The following INSM1 variants were observed in gnomAD, a reference collection of about 807,000 sequenced individuals.
INSM1 encodes INSM transcriptional repressor 1, also known as insulinoma-associated protein 1.
INSM1 carries 11 observed loss-of-function variants against 21.1 expected under a neutral mutation model. The observed-to-expected ratio is 0.52, with a 90% CI of 0.33 to 0.86. The LOEUF (loss-of-function observed/expected upper bound fraction) is 0.86. INSM1 is among the 40% of genes least tolerant of loss of function. The pLI, the probability that INSM1 is intolerant of heterozygous loss-of-function variation, is 0.03. For synonymous variants in INSM1, 473 were observed against 386.1 expected (o/e 1.23, Z -2.64); for missense variants, 843 against 760.1 (o/e 1.11, Z -1.28).
rs2059492644 is a variant in INSM1, at chr20:20,369,767, C to T, written c.1500C>T (p.Ile500=). The change falls in exon 1 of 1, where the codon ATC becomes ATT. Residue 500 remains isoleucine, a synonymous_variant. Coordinates refer to ENST00000310227, the MANE Select transcript of INSM1 (RefSeq NM_002196.3). This position sits in a 1 kb window ranked among gnomAD's most constrained non-coding sequence, Gnocchi z 5.6. Reference sequence around the variant, plus strand: ...ACCCATCCGAAAACAGACAGGTGATCCTCCTGCAGGTGCCCGTGCGCCCGG... The same window carrying T: ...ACCCATCCGAAAACAGACAGGTGATTCTCCTGCAGGTGCCCGTGCGCCCGG... ...KCHPSENRQV[I]LLQVPVRPAC 4 of 1,603,730 alleles carry T rather than the reference C, an allele frequency of 2.5e-6. No homozygotes were observed. The highest frequency in any genetic ancestry group is 1.1e-5 in the South Asian group (1 of 90,688).
At position 20,369,468 on chromosome 20, in the gene INSM1, G is replaced by C; in HGVS notation, c.1201G>C (p.Ala401Pro). The C allele has an allele frequency of 6.5e-7, 1 of 1,531,100 alleles. No homozygotes were observed. Among genetic ancestry groups the C allele is most frequent in the Non-Finnish European group, 8.7e-7 (1 of 1,149,702 alleles). 94.8% of individuals were successfully genotyped at this position (1,531,100 alleles called of 1,614,324 possible). A position where few individuals can be genotyped will look rare whatever the true frequency, so the allele number is the denominator to read the frequency against. ...QALQAKGAPL[A>P]PPAEDLLALY... The stretch of plus-strand genomic sequence containing the variant: ...GCTGCAGGCCAAGGGCGCGCCGCTA[G>C]CGCCCCCGGCCGAGGACCTACTGGC... Residue 401 changes from alanine to proline, a missense_variant, in exon 1 of 1, where the codon GCG (alanine) becomes CCG (proline). By Grantham distance (27) the Ala-to-Pro change is conservative. Transcript: ENST00000310227. This position sits in a 1 kb window ranked among gnomAD's most constrained non-coding sequence, Gnocchi z 5.6.
In INSM1 at chr20:20,369,803, C is replaced by A; in HGVS notation, c.*3C>A. 1 of 1,585,612 alleles carries A rather than the reference C, an allele frequency of 6.3e-7. No homozygotes were observed. On this transcript the variant is annotated 3_prime_UTR_variant, in exon 1 of 1. Coordinates refer to ENST00000310227, the MANE Select transcript of INSM1 (RefSeq NM_002196.3). This position sits in a 1 kb window ranked among gnomAD's most constrained non-coding sequence, Gnocchi z 5.6. Reference sequence around the variant, plus strand: ...TGCCCGTGCGCCCGGCCTGCTAGAGCGCGCCCTCCACCCCGGCCCCCGAAC... The same window carrying A: ...TGCCCGTGCGCCCGGCCTGCTAGAGAGCGCCCTCCACCCCGGCCCCCGAAC...
Position 20,368,937 on chromosome 20 carries a change from A to C in INSM1, c.670A>C (p.Lys224Gln), listed in dbSNP as rs1315216954. The C allele has an allele frequency of 8.4e-6, 13 of 1,546,110 alleles. No individual in the cohort carries two copies. Among genetic ancestry groups the C allele is most frequent in the Non-Finnish European group, 1.1e-5 (13 of 1,149,996 alleles). ...AVKAPGAKKP[K>Q]AIRKLHFEDE... ...CAAGGCCCCGGGCGCCAAGAAGCCCAAGGCCATCCGCAAGCTGCACTTCGA... is the reference window on the plus strand; with the variant it reads ...CAAGGCCCCGGGCGCCAAGAAGCCCCAGGCCATCCGCAAGCTGCACTTCGA... The change falls in exon 1 of 1, where the codon AAG becomes CAG. Residue 224 changes from lysine to glutamine, a missense_variant. Coordinates refer to ENST00000310227, the MANE Select transcript of INSM1 (RefSeq NM_002196.3). This position sits in a 1 kb window ranked among gnomAD's most constrained non-coding sequence, Gnocchi z 4.3.
In INSM1 at chr20:20,368,515, C is replaced by A; in HGVS notation, c.248C>A (p.Pro83Gln). The A allele has an allele frequency of 1.6e-6, 2 of 1,250,518 alleles. No individual in the cohort carries two copies. The highest frequency in any genetic ancestry group is 2.0e-6 in the Non-Finnish European group (2 of 979,590). 77.5% of individuals were successfully genotyped at this position (1,250,518 alleles called of 1,614,324 possible). A position where few individuals can be genotyped will look rare whatever the true frequency, so the allele number is the denominator to read the frequency against. ...APGPQPPPQG[P>Q]RAAHFGNPEA... Reference sequence around the variant, plus strand: ...GGGCCGCAGCCACCCCCGCAGGGCCCGCGGGCCGCGCACTTCGGCAACCCC... The same window carrying A: ...GGGCCGCAGCCACCCCCGCAGGGCCAGCGGGCCGCGCACTTCGGCAACCCC... The change falls in exon 1 of 1, where the codon CCG becomes CAG. Residue 83 changes from proline (P) to glutamine (Q), a missense_variant. Pro to Gln is a moderately conservative substitution (Grantham distance 76). Coordinates refer to ENST00000310227, the MANE Select transcript of INSM1 (RefSeq NM_002196.3). The surrounding 1 kb of genome is among the most constrained non-coding windows in gnomAD (Gnocchi z 4.3).
chr20:20,368,267 C>T lies in INSM1; in HGVS notation c.-1C>T, dbSNP rs1460484126. On this transcript the variant is annotated 5_prime_UTR_variant, in exon 1 of 1. Coordinates refer to ENST00000310227, the MANE Select transcript of INSM1 (RefSeq NM_002196.3). This position sits in a 1 kb window ranked among gnomAD's most constrained non-coding sequence, Gnocchi z 4.3. ...GTGCCGTGCCCTCGGGCCGCGCCAA[C>T]ATGCCCCGCGGCTTCCTGGTGAAGC... The T allele has an allele frequency of 8.7e-6, 11 of 1,262,488 alleles. No homozygotes were observed. The highest frequency in any genetic ancestry group is 1.1e-5 in the Non-Finnish European group (11 of 989,876). 78.2% of individuals were successfully genotyped at this position (1,262,488 alleles called of 1,614,324 possible).
In INSM1 at chr20:20,368,956, A is replaced by T. The variant is rs1295926322; in HGVS notation, c.689A>T (p.His230Leu). ...AAGCCCAAGGCCATCCGCAAGCTGC[A>T]CTTCGAGGACGAGGTGACCACGTCG... is the stretch of plus-strand genomic sequence containing the variant. ...AKKPKAIRKL[H>L]FEDEVTTSPV... The change falls in exon 1 of 1, where the codon CAC (histidine) becomes CTC (leucine). Residue 230 changes from histidine (H) to leucine (L), a missense_variant. Physicochemically the swap from His to Leu is moderately conservative, Grantham distance 99. Transcript: ENST00000310227. This position sits in a 1 kb window ranked among gnomAD's most constrained non-coding sequence, Gnocchi z 4.3. 3.9e-6 allele frequency: 6 copies of T among 1,555,464 alleles called. No individual in the cohort carries two copies. The highest frequency in any genetic ancestry group is 4.3e-6 in the Non-Finnish European group (5 of 1,154,148).
In INSM1 at chr20:20,368,180, C is replaced by A; in HGVS notation, c.-88C>A. The A allele has an allele frequency of 1.0e-6, 1 of 965,278 alleles. No individual in the cohort carries two copies. The highest frequency in any genetic ancestry group is 4.9e-5 in the South Asian group (1 of 20,580). The allele number at this position is 965,278 out of a possible 1,614,324, so 59.8% of individuals were successfully genotyped here. On this transcript the variant is annotated 5_prime_UTR_variant, in exon 1 of 1. Coordinates refer to ENST00000310227, the MANE Select transcript of INSM1 (RefSeq NM_002196.3). This position sits in a 1 kb window ranked among gnomAD's most constrained non-coding sequence, Gnocchi z 4.3. Reference sequence around the variant, plus strand: ...ACGCGAGTCCCGCAGCCGCCGCGCCCGGGCAATGGGCCGGGGGCACTGAGG... The same window carrying A: ...ACGCGAGTCCCGCAGCCGCCGCGCCAGGGCAATGGGCCGGGGGCACTGAGG...
Position 20,368,258 on chromosome 20 carries a change from CCG to C in INSM1, c.-6_-5del. On this transcript the variant is annotated 5_prime_UTR_variant, in exon 1 of 1. Transcript: ENST00000310227. This position sits in a 1 kb window ranked among gnomAD's most constrained non-coding sequence, Gnocchi z 4.3. ...ACCGAGCCAGTGCCGTGCCCTCGGG[CCG>C]CGCCAACATGCCCCGCGGCTTCCTG... 1 of 1,239,186 alleles carries C rather than the reference CCG, an allele frequency of 8.1e-7. No homozygotes were observed. The highest frequency in any genetic ancestry group is 3.0e-5 in the Admixed American group (1 of 33,828). The allele number at this position is 1,239,186 out of a possible 1,614,324, so 76.8% of individuals were successfully genotyped here.
At position 20,369,813 on chromosome 20, in the gene INSM1, A is replaced by G. The variant is rs752895152; in HGVS notation, c.*13A>G. ...CCCGGCCTGCTAGAGCGCGCCCTCCACCCCGGCCCCCGAACTGTGCCTTCG... is the reference window on the plus strand; with the variant it reads ...CCCGGCCTGCTAGAGCGCGCCCTCCGCCCCGGCCCCCGAACTGTGCCTTCG... On this transcript the variant is annotated 3_prime_UTR_variant, in exon 1 of 1. Transcript: ENST00000310227. This position sits in a 1 kb window ranked among gnomAD's most constrained non-coding sequence, Gnocchi z 5.6. 58 of 1,573,096 alleles carry G rather than the reference A, an allele frequency of 3.7e-5. No individual in the cohort carries two copies. In the Admixed American group the frequency reaches 4.2e-4, roughly 11 times the overall value.
Position 20,368,368 on chromosome 20 carries a change from C to T in INSM1, c.101C>T (p.Pro34Leu), listed in dbSNP as rs1323171884. The T allele has an allele frequency of 8.8e-7, 1 of 1,132,180 alleles. No homozygotes were observed. The highest frequency in any genetic ancestry group is 4.0e-5 in the Admixed American group (1 of 24,786). The allele number at this position is 1,132,180 out of a possible 1,614,324, so 70.1% of individuals were successfully genotyped here. Residue 34 changes from proline (P) to leucine (L), a missense_variant, in exon 1 of 1, where the codon CCC becomes CTC. Transcript: ENST00000310227. This position sits in a 1 kb window ranked among gnomAD's most constrained non-coding sequence, Gnocchi z 4.3. ...GGCGACCGCGCACTGCTGCTCTCGCCCAGCTGCGGGGGCGCCCGCGCCGAG... is the reference window on the plus strand; with the variant it reads ...GGCGACCGCGCACTGCTGCTCTCGCTCAGCTGCGGGGGCGCCCGCGCCGAG... ...EDGDRALLLS[P>L]SCGGARAEPP...
At position 20,369,620 on chromosome 20, in the gene INSM1, C is replaced by T; in HGVS notation, c.1353C>T (p.Ala451=). 6.2e-7 allele frequency: 1 copy of T among 1,600,802 alleles called. No homozygotes were observed. Among genetic ancestry groups the T allele is most frequent in the Non-Finnish European group, 8.5e-7 (1 of 1,179,712 alleles). The change falls in exon 1 of 1, where the codon GCC becomes GCT. Residue 451 remains alanine (A), a synonymous_variant. Transcript: ENST00000310227. This position sits in a 1 kb window ranked among gnomAD's most constrained non-coding sequence, Gnocchi z 5.6. The stretch of plus-strand genomic sequence containing the variant: ...GCCCAGTGTGCGGAGAGTCGTTCGC[C>T]AGCAAGGGCGCTCAGGAGCGCCACC... ...HLCPVCGESF[A]SKGAQERHLR... is the part of the protein sequence containing the mutation.
In INSM1 at chr20:20,369,749, C is replaced by CA. The variant is rs2059492554; in HGVS notation, c.1482_1483insA (p.Glu495ArgfsTer59). ...GGCACATCAACAAGTGCCACCCATC[C>CA]GAAAACAGACAGGTGATCCTCCTGC... On this transcript the variant is annotated frameshift_variant, in exon 1 of 1. Coordinates refer to ENST00000310227, the MANE Select transcript of INSM1 (RefSeq NM_002196.3). LOFTEE classifies it high-confidence loss of function. The surrounding 1 kb of genome is among the most constrained non-coding windows in gnomAD (Gnocchi z 5.6). The CA allele has an allele frequency of 6.2e-7, 1 of 1,603,404 alleles. No homozygotes were observed. Among genetic ancestry groups the CA allele is most frequent in the Non-Finnish European group, 8.5e-7 (1 of 1,179,174 alleles).
chr20:20,368,258 C>A lies in INSM1; in HGVS notation c.-10C>A. On this transcript the variant is annotated 5_prime_UTR_variant, in exon 1 of 1. Coordinates refer to ENST00000310227, the MANE Select transcript of INSM1 (RefSeq NM_002196.3). The surrounding 1 kb of genome is among the most constrained non-coding windows in gnomAD (Gnocchi z 4.3). ...ACCGAGCCAGTGCCGTGCCCTCGGG[C>A]CGCGCCAACATGCCCCGCGGCTTCC... 1 of 1,239,188 alleles carries A rather than the reference C, an allele frequency of 8.1e-7. No homozygotes were observed. The highest frequency in any genetic ancestry group is 1.0e-6 in the Non-Finnish European group (1 of 976,876). 76.8% of individuals were successfully genotyped at this position (1,239,188 alleles called of 1,614,324 possible).
rs1433256202 is a variant in INSM1 at position 20,368,869 on chromosome 20, G to C, written c.602G>C (p.Arg201Pro). ...PAAALRPPGK[R>P]PPPPTAAEPP... ...GCCGCCCTGCGGCCCCCGGGAAAGC[G>C]GCCCCCGCCCCCTACCGCCGCGGAG... Residue 201 changes from arginine (R) to proline (P), a missense_variant, in exon 1 of 1, where the codon CGG becomes CCG. Physicochemically the swap from Arg to Pro is moderately radical, Grantham distance 103 (BLOSUM62 -2). Coordinates refer to ENST00000310227, the MANE Select transcript of INSM1 (RefSeq NM_002196.3). The surrounding 1 kb of genome is among the most constrained non-coding windows in gnomAD (Gnocchi z 4.3). 7.2e-7 allele frequency: 1 copy of C among 1,380,182 alleles called. No homozygotes were observed. The highest frequency in any genetic ancestry group is 9.4e-7 in the Non-Finnish European group (1 of 1,067,166). The allele number at this position is 1,380,182 out of a possible 1,614,324, so 85.5% of individuals were successfully genotyped here. A position where few individuals can be genotyped will look rare whatever the true frequency, so the allele number is the denominator to read the frequency against.
Position 20,369,260 on chromosome 20 carries a change from A to C in INSM1, c.993A>C (p.Pro331=). 7.0e-7 allele frequency: 1 copy of C among 1,437,410 alleles called. No homozygotes were observed. Among genetic ancestry groups the C allele is most frequent in the Non-Finnish European group, 9.1e-7 (1 of 1,104,372 alleles). 89.0% of individuals were successfully genotyped at this position (1,437,410 alleles called of 1,614,324 possible). Residue 331 remains proline (P), a synonymous_variant, in exon 1 of 1, where the codon CCA becomes CCC. Transcript: ENST00000310227. This position sits in a 1 kb window ranked among gnomAD's most constrained non-coding sequence, Gnocchi z 5.6. ...CCGCCGCCGCCCGCGCGCCGGAGCC[A>C]GAAGCAGCAGCCAGGGCTGAGGCGC... ...PAPAAARAPE[P]EAAARAEARE...
chr20:20,368,475 C>T lies in INSM1; in HGVS notation c.208C>T (p.Leu70Phe), dbSNP rs1445897220. 12 of 1,096,272 alleles carry T rather than the reference C, an allele frequency of 1.1e-5. No homozygotes were observed. Among genetic ancestry groups the T allele is most frequent in the Non-Finnish European group, 1.3e-5 (12 of 895,172 alleles). The allele number at this position is 1,096,272 out of a possible 1,614,324, so 67.9% of individuals were successfully genotyped here. The change falls in exon 1 of 1, where the codon CTT (leucine) becomes TTT (phenylalanine). Residue 70 changes from leucine (L) to phenylalanine (F), a missense_variant. Coordinates refer to ENST00000310227, the MANE Select transcript of INSM1 (RefSeq NM_002196.3). This position sits in a 1 kb window ranked among gnomAD's most constrained non-coding sequence, Gnocchi z 4.3. The part of the protein sequence containing the change: ...ERAHAALAAA[L>F]ACAPGPQPPP... ...CGCCCATGCAGCGCTCGCCGCCGCGCTTGCCTGCGCGCCTGGGCCGCAGCC... is the reference window on the plus strand; with the variant it reads ...CGCCCATGCAGCGCTCGCCGCCGCGTTTGCCTGCGCGCCTGGGCCGCAGCC...
At position 20,368,410 on chromosome 20, in the gene INSM1, C is replaced by T. The variant is rs923263075; in HGVS notation, c.143C>T (p.Pro48Leu). The change falls in exon 1 of 1, where the codon CCG becomes CTG. Residue 48 changes from proline to leucine, a missense_variant. Coordinates refer to ENST00000310227, the MANE Select transcript of INSM1 (RefSeq NM_002196.3). This position sits in a 1 kb window ranked among gnomAD's most constrained non-coding sequence, Gnocchi z 4.3. ...CGCGCCGAGCCCCCGGCGCCGAGCC[C>T]GGTCCCCGGGCCGCTGCCGCCGCCG... is the stretch of plus-strand genomic sequence containing the variant. ...GARAEPPAPS[P>L]VPGPLPPPPP... is the part of the protein sequence containing the mutation. 8 of 999,960 alleles carry T rather than the reference C, an allele frequency of 8.0e-6. No homozygotes were observed. The highest frequency in any genetic ancestry group is 9.5e-6 in the Non-Finnish European group (8 of 841,020). 61.9% of individuals were successfully genotyped at this position (999,960 alleles called of 1,614,324 possible). A position where few individuals can be genotyped will look rare whatever the true frequency, so the allele number is the denominator to read the frequency against.
rs1232679405 is a variant in INSM1, at chr20:20,369,533, G to C, written c.1266G>C (p.Ala422=). ...PGPDEKAPQE[A]AGDGEGAGVL... ...CCGACGAGAAGGCGCCCCAGGAGGC[G>C]GCCGGCGACGGCGAGGGGGCCGGCG... is the stretch of plus-strand genomic sequence containing the variant. The change falls in exon 1 of 1, where the codon GCG becomes GCC. Residue 422 remains alanine, a synonymous_variant. Coordinates refer to ENST00000310227, the MANE Select transcript of INSM1 (RefSeq NM_002196.3). The surrounding 1 kb of genome is among the most constrained non-coding windows in gnomAD (Gnocchi z 5.6). 1 of 1,560,868 alleles carries C rather than the reference G, an allele frequency of 6.4e-7. No individual in the cohort carries two copies. The highest frequency in any genetic ancestry group is 8.6e-7 in the Non-Finnish European group (1 of 1,162,126).
Position 20,368,935 on chromosome 20 carries a change from C to T in INSM1, c.668C>T (p.Pro223Leu), listed in dbSNP as rs1396988379. ...GTCAAGGCCCCGGGCGCCAAGAAGC[C>T]CAAGGCCATCCGCAAGCTGCACTTC... ...KAVKAPGAKK[P>L]KAIRKLHFED... Residue 223 changes from proline (P) to leucine (L), a missense_variant, in exon 1 of 1, where the codon CCC (proline) becomes CTC (leucine). Transcript: ENST00000310227. The surrounding 1 kb of genome is among the most constrained non-coding windows in gnomAD (Gnocchi z 4.3). The T allele has an allele frequency of 1.3e-6, 2 of 1,545,856 alleles. No homozygotes were observed. The highest frequency in any genetic ancestry group is 1.2e-5 in the South Asian group (1 of 83,682).
Sources: allele counts gnomAD v4.1 joint callset, GRCh38; gene constraint gnomAD v4.1.1; non-coding constraint Gnocchi (gnomAD v3.1); transcripts MANE v1.5; gene names NCBI Gene and HGNC (gene_info 2026-07-23, HGNC 2026-07-21).